The following CHL1 variants were observed in gnomAD, a reference collection of about 807,000 sequenced individuals.
CHL1 encodes the protein cell adhesion molecule L1 like.
Under a neutral mutation model 141.9 loss-of-function variants are expected in CHL1, and 96 were observed. That is an observed-to-expected ratio of 0.68 (90% CI 0.57 to 0.80). The LOEUF (loss-of-function observed/expected upper bound fraction) is 0.80, where lower values mean the gene tolerates loss of function less well. Among genes scored for constraint, CHL1 ranks in the 30% least tolerant of loss-of-function variants. The probability of loss-of-function intolerance (pLI) is 0.00; values close to 1 mark genes in which losing one functional copy is unlikely to be tolerated. For synonymous variants in CHL1, 613 were observed against 502.2 expected (o/e 1.22, Z -2.95); for missense variants, 1,820 against 1,457.2 (o/e 1.25, Z -4.05).
intron 2 of CHL1, among the ~76,000 whole-genome samples, chr3:304,879 G>T (rs1435742750): frequency 6.6e-6 from 1 of 151,998 alleles, no homozygotes; most frequent in South Asian, 2.1e-4. Context: ...TGGGCATTTA[G>T]TGCTATAAAT....
chr3:315,270 G>A (rs59625306), intron 2 of CHL1, among the ~76,000 whole-genome samples: 21,489 of 152,120 alleles, frequency 0.14, 1,834 homozygotes, highest in African/African-American at 0.22. Flanking sequence ...AGCAGGCTGG[G>A]TAAACTGCCC....
At chr3:296,964 G>A (rs1415033256) in intron 2 of CHL1, among the ~76,000 whole-genome samples, 1 of 152,154 alleles carries the variant, frequency 6.6e-6, no homozygotes, top group African/African-American at 2.4e-5. Context: ...ACAGAAAGAA[G>A]AGTGGGGACA....
intron 1 of CHL1, among the ~76,000 whole-genome samples, chr3:205,643 G>C (rs1699368740): frequency 6.6e-6 from 1 of 150,934 alleles, no homozygotes; most frequent in African/African-American, 2.4e-5. Context: ...GTGTGTGTCT[G>C]TGTGTGTGTG....
rs753832674 is a variant in CHL1 at position 382,231 on chromosome 3, T to C, written c.1929T>C (p.Ser643=). The C allele has an allele frequency of 1.4e-5, 23 of 1,613,550 alleles. No homozygotes were observed. Among genetic ancestry groups the C allele is most frequent in the Non-Finnish European group, 1.9e-5 (22 of 1,179,758 alleles). The part of the protein sequence containing the change: ...NLHLSERQNR[S]VRLTWEAGAD... The stretch of plus-strand genomic sequence containing the variant: ...ACTTGTCTGAAAGACAGAACAGGAG[T>C]GTTCGGCTGACCTGGGAAGCTGGAG... Residue 643 remains serine (S), a synonymous_variant, in exon 17 of 28, where the codon AGT becomes AGC. Coordinates refer to ENST00000256509, the MANE Select transcript of CHL1 (RefSeq NM_006614.4).
At chr3:369,160 G>T (rs1189703976) in intron 15 of CHL1, among the ~76,000 whole-genome samples, 1 of 151,992 alleles carries the variant, frequency 6.6e-6, no homozygotes, top group Non-Finnish European at 1.5e-5. Flanking sequence ...GATGGGAATA[G>T]CATTGAATCT....
At chr3:229,091 C>T (rs1701638672) in intron 1 of CHL1, among the ~76,000 whole-genome samples, 1 of 152,188 alleles carries the variant, frequency 6.6e-6, no homozygotes. Context: ...GCAACCAGCA[C>T]AGTGAACACT....
intron 3 of CHL1, among the ~76,000 whole-genome samples, chr3:322,195 T>G (rs1700614500): frequency 6.6e-6 from 1 of 152,018 alleles, no homozygotes; most frequent in Non-Finnish European, 1.5e-5. Context: ...AATACAGACA[T>G]TTTGCATGTT....
intron 4 of CHL1, among the ~76,000 whole-genome samples, chr3:326,422 G>A (rs1035219397): frequency 1.3e-5 from 2 of 151,882 alleles, no homozygotes; most frequent in African/African-American, 4.8e-5. Context: ...GTCAAAGTTT[G>A]TAAATACCAT....
At chr3:286,881 T>A (rs1173682332) in intron 2 of CHL1, among the ~76,000 whole-genome samples, 5 of 152,168 alleles carry the variant, frequency 3.3e-5, no homozygotes, top group Non-Finnish European at 7.3e-5. Context: ...TGGGAGTGTC[T>A]TTTAGCGTGC....
chr3:259,085 C>T (rs1177751429), intron 2 of CHL1, among the ~76,000 whole-genome samples: 5 of 152,050 alleles, frequency 3.3e-5, no homozygotes, highest in African/African-American at 1.2e-4. Flanking sequence ...AGGCACATGC[C>T]ACCATGCATG....
At chr3:284,727 G>T (rs545375997) in intron 2 of CHL1, among the ~76,000 whole-genome samples, 2 of 151,856 alleles carry the variant, frequency 1.3e-5, no homozygotes, top group South Asian at 4.2e-4. Flanking sequence ...GGAAAATCCT[G>T]GCCTGATACA....
At position 354,684 on chromosome 3, in the gene CHL1, A is replaced by C. The variant is rs1703562102; in HGVS notation, c.1078A>C (p.Thr360Pro). ...GAAGCCTCAGAGTGCTGTGTATAGC[A>C]CCGGAAGCAATGGCATCTTGTTATG... is the stretch of plus-strand genomic sequence containing the variant. ...TKKPQSAVYS[T>P]GSNGILLCEA... is the part of the protein sequence containing the mutation. The change falls in exon 11 of 28, where the codon ACC becomes CCC. Residue 360 changes from threonine (T) to proline (P), a missense_variant. Thr to Pro is a conservative substitution (Grantham distance 38, BLOSUM62 -1). Coordinates refer to ENST00000256509, the MANE Select transcript of CHL1 (RefSeq NM_006614.4). 6.2e-7 allele frequency: 1 copy of C among 1,613,892 alleles called. No individual in the cohort carries two copies. Among genetic ancestry groups the C allele is most frequent in the Non-Finnish European group, 8.5e-7 (1 of 1,179,916 alleles).
intron 1 of CHL1, 48 bp from the exon 2 acceptor site, chr3:244,565 T>G (rs555618606): frequency 3.9e-4 from 60 of 152,310 alleles, no homozygotes; most frequent in African/African-American, 1.4e-3. Flanking sequence ...TAAAAGTGAC[T>G]CAAATGATAA....
At chr3:201,371 G>T (rs1698919489) in intron 1 of CHL1, among the ~76,000 whole-genome samples, 1 of 152,068 alleles carries the variant, frequency 6.6e-6, no homozygotes, top group African/African-American at 2.4e-5. Context: ...AAATACAAAG[G>T]GACATATTCC....
intron 2 of CHL1, among the ~76,000 whole-genome samples, chr3:295,107 C>G (rs1332285541): frequency 6.6e-6 from 1 of 152,100 alleles, no homozygotes; most frequent in Non-Finnish European, 1.5e-5. Flanking sequence ...TAGCCATAAA[C>G]AGGAGTCTAC....
chr3:388,837 C>G (rs987659098), intron 19 of CHL1, among the ~76,000 whole-genome samples: 2 of 152,088 alleles, frequency 1.3e-5, no homozygotes, highest in Non-Finnish European at 2.9e-5. Context: ...TGGGAGAATC[C>G]CATTCACAAC....
At chr3:216,219 G>A (rs945786415) in intron 1 of CHL1, among the ~76,000 whole-genome samples, 1 of 152,128 alleles carries the variant, frequency 6.6e-6, no homozygotes, top group Non-Finnish European at 1.5e-5. Flanking sequence ...TGCTATGGGG[G>A]ATATTGTCTT....
At chr3:337,450 C>A (rs1015133126) in intron 5 of CHL1, among the ~76,000 whole-genome samples, 1 of 151,944 alleles carries the variant, frequency 6.6e-6, no homozygotes, top group East Asian at 1.9e-4. Flanking sequence ...GTGTGCCATG[C>A]TGGTGTGCTG....
At chr3:369,243 T>C (rs1559320664) in intron 15 of CHL1, among the ~76,000 whole-genome samples, 1 of 151,834 alleles carries the variant, frequency 6.6e-6, no homozygotes, top group African/African-American at 2.4e-5. Context: ...GGATTTTTTT[T>C]TTTCATTTGT....
Sources: gnomAD v4.1 joint callset for allele counts (sites outside exome capture counted in the v4.1 genomes callset) on GRCh38, gnomAD v4.1.1 for gene constraint, MANE v1.5 for transcripts, NCBI Gene and HGNC (gene_info 2026-07-23, HGNC 2026-07-21) for gene names.